Variants in RALGPS2 observed in about 807,000 individuals in gnomAD.
RALGPS2 encodes the protein ras-specific guanine nucleotide-releasing factor RalGPS2.
Under a neutral mutation model 86.8 loss-of-function variants are expected in RALGPS2, and 43 were observed. That is an observed-to-expected ratio of 0.50 (90% CI 0.39 to 0.64). The LOEUF is 0.64. RALGPS2 is among the 30% of genes least tolerant of loss of function. The pLI is 0.00. For synonymous variants in RALGPS2, 243 were observed against 231.3 expected (o/e 1.05, Z -0.46); for missense variants, 536 against 694.6 (o/e 0.77, Z 2.57).
chr1:178,726,797 CTT>C (rs1021681568), intron 1 of RALGPS2, among the ~76,000 whole-genome samples: 8 of 152,158 alleles, frequency 5.3e-5, no homozygotes, highest in Non-Finnish European at 1.0e-4. Flanking sequence ...TTTTAGGAAA[CTT>C]TTCAGCCCGT....
Position 178,912,002 on chromosome 1 carries a change from A to G in RALGPS2, c.1723-4328A>G, listed in dbSNP as rs1660648147. On this transcript the variant is annotated intron_variant, in intron 19 of 19. Transcript: ENST00000367635. The stretch of plus-strand genomic sequence containing the variant: ...TTTGACCATTGTTATAGTCTGTTGT[A>G]TCTAATATAAGACTAGCAACCTTTG... 2.0e-5 allele frequency among the ~76,000 whole-genome samples: 3 copies of G among 152,266 alleles called. No homozygotes were observed. The South Asian group carries it at 6.2e-4, about 32-fold the overall frequency.
chr1:178,902,119 C>G lies in RALGPS2; in HGVS notation c.1538C>G (p.Ser513Cys). 1 of 1,611,670 alleles carries G rather than the reference C, an allele frequency of 6.2e-7. No individual in the cohort carries two copies. The highest frequency in any genetic ancestry group is 8.5e-7 in the Non-Finnish European group (1 of 1,178,236). Reference sequence around the variant, plus strand: ...TTTTTCTCTCAGTTCAAATCAACATCCAATAAGAACGTATCTGTGATAGGA... The same window carrying G: ...TTTTTCTCTCAGTTCAAATCAACATGCAATAAGAACGTATCTGTGATAGGA... The part of the protein sequence containing the change: ...ATERKHFKST[S>C]NKNVSVIGWM... The change falls in exon 18 of 20, where the codon TCC becomes TGC. Residue 513 changes from serine to cysteine, a missense_variant. Around this residue, in one of 3 missense-constraint regions of RALGPS2, gnomAD observed 309 missense variants for 363.0 expected, o/e 0.85. Transcript: ENST00000367635.
chr1:178,877,394 CG>C, intron 8 of RALGPS2, 103 bp from the exon 9 acceptor site: 2 of 1,468,814 alleles, frequency 1.4e-6, no homozygotes, highest in South Asian at 2.7e-5. Flanking sequence ...TTAAATGTAG[CG>C]TACAGTGGAA....
At chr1:178,779,238 G>A (rs1653259724) in intron 2 of RALGPS2, among the ~76,000 whole-genome samples, 1 of 152,074 alleles carries the variant, frequency 6.6e-6, no homozygotes. Flanking sequence ...CACCCCTCTA[G>A]TTAATATATT....
intron 8 of RALGPS2, among the ~76,000 whole-genome samples, chr1:178,851,554 G>A (rs1165697928): frequency 6.6e-6 from 1 of 151,946 alleles, no homozygotes; most frequent in East Asian, 1.9e-4. Flanking sequence ...TTTTTAAAAA[G>A]GGGGATTTAA....
chr1:178,899,690 T>C (rs1457113601), intron 17 of RALGPS2, among the ~76,000 whole-genome samples: 1 of 150,558 alleles, frequency 6.6e-6, no homozygotes, highest in East Asian at 1.9e-4. Flanking sequence ...CTGAATCTTA[T>C]GAGGAAATAA....
chr1:178,790,943 C>G (rs887684588), intron 4 of RALGPS2, among the ~76,000 whole-genome samples: 3 of 152,018 alleles, frequency 2.0e-5, no homozygotes, highest in Non-Finnish European at 4.4e-5. Context: ...ATTGTTAAAT[C>G]AAAATTAAAC....
At position 178,840,865 on chromosome 1, in the gene RALGPS2, T is replaced by C. The variant is rs199991243; in HGVS notation, c.607+7315T>C. Among the ~76,000 whole-genome samples the C allele has an allele frequency of 1.3e-3, 191 of 152,144 alleles. 2 individuals are homozygous for C. Among genetic ancestry groups the C allele is most frequent in the East Asian group, 0.012 (62 of 5,150 alleles). On this transcript the variant is annotated intron_variant, in intron 8 of 19. Transcript: ENST00000367635. ...TACAAACTACCATCAGAGAATACTG[T>C]AAACACCTCTCTGCACATAAACTAG... is the stretch of plus-strand genomic sequence containing the variant.
chr1:178,752,169 T>C (rs1159980365), intron 1 of RALGPS2, among the ~76,000 whole-genome samples: 1 of 150,616 alleles, frequency 6.6e-6, no homozygotes, highest in East Asian at 2.0e-4. Flanking sequence ...AGGGTGTCAC[T>C]CTGTTGCCCA....
intron 8 of RALGPS2, among the ~76,000 whole-genome samples, chr1:178,833,885 A>G (rs1405536273): frequency 6.6e-6 from 1 of 152,204 alleles, no homozygotes; most frequent in African/African-American, 2.4e-5. Flanking sequence ...AAGGAAATTG[A>G]TCAAAGTCCT....
intron 1 of RALGPS2, 41 bp from the exon 2 acceptor site, chr1:178,776,641 T>G: frequency 1.6e-6 from 1 of 631,392 alleles, no homozygotes; most frequent in Non-Finnish European, 2.5e-6. Context: ...TTTCTTGAAC[T>G]TCGAGGAAGA....
rs1235520383 is a variant in RALGPS2, at chr1:178,856,194, GAGAGAGAGATAT to G, written c.608-21302_608-21291del. 1.5e-4 allele frequency among the ~76,000 whole-genome samples: 15 copies of G among 99,196 alleles called. 1 individual carries two copies. Among genetic ancestry groups the G allele is most frequent in the African/African-American group, 6.0e-4 (11 of 18,406 alleles). The allele number at this position is 99,196 out of a possible 152,430, so 65.1% of individuals were successfully genotyped here. On this transcript the variant is annotated intron_variant, in intron 8 of 19. Transcript: ENST00000367635. ...ACTGTGTTACCTGTACTTTTCCAGA[GAGAGAGAGATAT>G]ATATATATATATATATATATATATA...
At chr1:178,844,478 C>T (rs1340912741) in intron 8 of RALGPS2, among the ~76,000 whole-genome samples, 1 of 152,146 alleles carries the variant, frequency 6.6e-6, no homozygotes, top group East Asian at 1.9e-4. Context: ...GTTTTCTCGG[C>T]TCTCAACTCA....
At chr1:178,764,995 C>T (rs887496633) in intron 1 of RALGPS2, among the ~76,000 whole-genome samples, 1 of 152,068 alleles carries the variant, frequency 6.6e-6, no homozygotes, top group Non-Finnish European at 1.5e-5. Context: ...ACTTTGTGCT[C>T]TCTCTCTCCT....
intron 3 of RALGPS2, among the ~76,000 whole-genome samples, chr1:178,785,288 G>T (rs549647896): frequency 4.6e-5 from 7 of 151,836 alleles, no homozygotes; most frequent in South Asian, 2.1e-4. Context: ...TTTATTTTTT[G>T]ATTATAATTT....
chr1:178,885,386 A>G (rs1292354854), intron 12 of RALGPS2, 175 bp downstream of exon 12: 2 of 618,964 alleles, frequency 3.2e-6, no homozygotes, highest in Non-Finnish European at 5.2e-6. Flanking sequence ...TTCTTACTTT[A>G]CCTGAATTTG....
At chr1:178,879,344 TTACTC>T (rs1474095688) in intron 10 of RALGPS2, 1 of 166,194 alleles carries the variant, frequency 6.0e-6, no homozygotes. Flanking sequence ...AATAGAAAAA[TTACTC>T]TTCTTTAATG....
At chr1:178,731,593 G>A (rs1204507203) in intron 1 of RALGPS2, among the ~76,000 whole-genome samples, 1 of 151,962 alleles carries the variant, frequency 6.6e-6, no homozygotes, top group Non-Finnish European at 1.5e-5. Flanking sequence ...TGATTTTCTA[G>A]TTTGAAGTGG....
rs541161152 is a variant in RALGPS2, at chr1:178,874,480, A to G, written c.608-3018A>G. 2.9e-4 allele frequency among the ~76,000 whole-genome samples: 44 copies of G among 152,276 alleles called. No homozygotes were observed. In the South Asian group the frequency reaches 8.5e-3, roughly 29 times the overall value. ...CGAGTTGTCATCTGAGTTTAATAAG[A>G]TGGAAGAATGGCAAGAACTGGCACA... On this transcript the variant is annotated intron_variant, in intron 8 of 19. Transcript: ENST00000367635.
Sources: allele counts gnomAD v4.1 joint callset (sites outside exome capture counted in the v4.1 genomes callset), GRCh38; gene constraint gnomAD v4.1.1; regional missense constraint gnomAD v4.1.1; transcripts MANE v1.5; gene names NCBI Gene and HGNC (gene_info 2026-07-23, HGNC 2026-07-21).